TNNT3: variants seen among roughly 807,000 people sequenced by gnomAD.
The protein encoded by TNNT3 is troponin T3, fast skeletal type.
In TNNT3, 36 loss-of-function variants were observed where a neutral mutation model predicts 54.2. The ratio of observed to expected loss-of-function variants is 0.66; its 90% CI spans 0.51 to 0.88. TNNT3 has a LOEUF of 0.88. TNNT3 is among the 40% of genes least tolerant of loss of function. TNNT3 has a pLI of 0.00. For synonymous variants in TNNT3, 120 were observed against 109.7 expected (o/e 1.09, Z -0.59); for missense variants, 291 against 331.6 (o/e 0.88, Z 0.95).
At chr11:1,920,883 T>C (rs545024594) in intron 1 of TNNT3, among the ~76,000 whole-genome samples, 50 of 151,716 alleles carry the variant, frequency 3.3e-4, no homozygotes, top group African/African-American at 1.2e-3. Flanking sequence ...ACACAGGCCA[T>C]ACTGGGGGGA....
intron 14 of TNNT3, chr11:1,935,378 C>T (rs1211298135): frequency 1.0e-5 from 3 of 298,596 alleles, no homozygotes; most frequent in Non-Finnish European, 2.0e-5. Context: ...GGGCCCCGGA[C>T]ACCTGCTTCC....
At chr11:1,919,981 C>T (rs906961069) in intron 1 of TNNT3, among the ~76,000 whole-genome samples, 1 of 152,172 alleles carries the variant, frequency 6.6e-6, no homozygotes, top group African/African-American at 2.4e-5. Context: ...GTGTGATGGT[C>T]TCAGCACCGG....
chr11:1,923,163 C>A, intron 3 of TNNT3, 102 bp downstream of exon 3: 1 of 1,500,612 alleles, frequency 6.7e-7, no homozygotes, highest in Non-Finnish European at 9.3e-7. Flanking sequence ...CCTTGACAGC[C>A]CTACATCAGC....
At chr11:1,929,331 C>T (rs1203743520) in intron 7 of TNNT3, among the ~76,000 whole-genome samples, 188 bp downstream of exon 7, 1 of 152,226 alleles carries the variant, frequency 6.6e-6, no homozygotes, top group Non-Finnish European at 1.5e-5. Flanking sequence ...GGTCGAGCTG[C>T]CAGGGCCTCG....
chr11:1,936,227 G>A lies in TNNT3; in HGVS notation c.682-736G>A, dbSNP rs780375970. 5.0e-6 allele frequency: 8 copies of A among 1,613,778 alleles called. 1 individual carries two copies. The East Asian group carries it at 6.7e-5, about 13-fold the overall frequency. ...TGGTCTTTCTAGATCATGAATGTCCGGGCCAGAGTGCAGATGCTGGCCAAG... is the reference window on the plus strand; with the variant it reads ...TGGTCTTTCTAGATCATGAATGTCCAGGCCAGAGTGCAGATGCTGGCCAAG... On this transcript the variant is annotated intron_variant, in intron 14 of 15. Coordinates refer to ENST00000278317, the MANE Select transcript of TNNT3 (RefSeq NM_006757.4).
chr11:1,931,967 C>T (rs996058825), intron 8 of TNNT3, among the ~76,000 whole-genome samples: 3 of 152,176 alleles, frequency 2.0e-5, no homozygotes, highest in Admixed American at 1.3e-4. Context: ...GGAGAGGGGG[C>T]CTCATTTCCC....
intron 9 of TNNT3, 30 bp downstream of exon 9, chr11:1,932,544 C>T: frequency 6.2e-7 from 1 of 1,610,738 alleles, no homozygotes; most frequent in South Asian, 1.1e-5. Flanking sequence ...GTTAACATGT[C>T]CACGGTTTCC....
At chr11:1,923,353 C>G (rs899251037) in intron 3 of TNNT3, among the ~76,000 whole-genome samples, 4 of 152,148 alleles carry the variant, frequency 2.6e-5, no homozygotes, top group African/African-American at 9.6e-5. Flanking sequence ...ACCCCCGAGC[C>G]CCCCAAAAGC....
rs190776190 is a variant in TNNT3 at position 1,920,132 on chromosome 11, G to C, written c.-19+370G>C. On this transcript the variant is annotated intron_variant, in intron 1 of 15. Transcript: ENST00000278317. ...GCGGCAGGGAAGAGGCTGTGCAGGG[G>C]TGCTGCCAGGGCTTAGGTTGCCAGC... Among the ~76,000 whole-genome samples, 1,036 of 152,284 alleles carry C rather than the reference G, an allele frequency of 6.8e-3. 11 individuals carry two copies. The highest frequency in any genetic ancestry group is 9.0e-3 in the Non-Finnish European group (609 of 68,000).
At chr11:1,926,627 G>C (rs199707182) in intron 5 of TNNT3, 68 bp from the exon 6 acceptor site, 1 of 1,610,816 alleles carries the variant, frequency 6.2e-7, no homozygotes, top group African/African-American at 1.3e-5. Flanking sequence ...TCCTCTCTGC[G>C]CTGCCACCAC....
intron 5 of TNNT3, among the ~76,000 whole-genome samples, chr11:1,926,113 G>A (rs1024568308): frequency 3.9e-5 from 6 of 152,164 alleles, no homozygotes; most frequent in Admixed American, 6.5e-5. Flanking sequence ...CCAGAGGCGC[G>A]GACACCCTTC....
intron 1 of TNNT3, chr11:1,921,293 C>A (rs1056976961): frequency 2.6e-5 from 4 of 152,276 alleles, no homozygotes; most frequent in Admixed American, 6.5e-5. Context: ...CCGCCAGCGT[C>A]GGGCTGGGCA....
At position 1,922,902 on chromosome 11, in the gene TNNT3, A is replaced by T. The variant is rs372763002; in HGVS notation, c.17+11A>T. On this transcript the variant is annotated intron_variant, in intron 2 of 15. Coordinates refer to ENST00000278317, the MANE Select transcript of TNNT3 (RefSeq NM_006757.4). ...GTCTGACGAGGAAGTGTGAGTACCCAGCTGGTGGCTGCCCCCTGCCTGGCT... is the reference window on the plus strand; with the variant it reads ...GTCTGACGAGGAAGTGTGAGTACCCTGCTGGTGGCTGCCCCCTGCCTGGCT... 6 of 1,613,500 alleles carry T rather than the reference A, an allele frequency of 3.7e-6. No homozygotes were observed. In the African/African-American group the frequency reaches 4.0e-5, roughly 11 times the overall value.
chr11:1,933,883 C>A (rs781095423), intron 10 of TNNT3, 46 bp downstream of exon 10: 7 of 1,611,996 alleles, frequency 4.3e-6, no homozygotes, highest in Non-Finnish European at 5.9e-6. Context: ...TGGACTCCCT[C>A]GGAGGAGCCG....
In TNNT3 at chr11:1,934,842, G is replaced by C; in HGVS notation, c.604G>C (p.Glu202Gln). ...CCTCTGCCCCAGGGACAAGGCCAAG[G>C]AGCTCTGGGAGACCCTGCACCAGCT... The part of the protein sequence containing the change: ...GEDKLRDKAK[E>Q]LWETLHQLEI... Residue 202 changes from glutamate (E) to glutamine (Q), a missense_variant, in exon 14 of 16, where the codon GAG becomes CAG. Glu to Gln is a conservative substitution (Grantham distance 29, BLOSUM62 2). Coordinates refer to ENST00000278317, the MANE Select transcript of TNNT3 (RefSeq NM_006757.4). 6.2e-7 allele frequency: 1 copy of C among 1,613,558 alleles called. No individual in the cohort carries two copies. The highest frequency in any genetic ancestry group is 8.5e-7 in the Non-Finnish European group (1 of 1,180,036).
In TNNT3 at chr11:1,933,707, G is replaced by A; in HGVS notation, c.172-14G>A. On this transcript the variant is annotated splice_polypyrimidine_tract_variant and intron_variant, in intron 9 of 15. Transcript: ENST00000278317. ...GAGAGGGGTGGGGCTCACACCCACT[G>A]CCCCTGCCCACAGGACATCCAGAAG... The A allele has an allele frequency of 6.2e-7, 1 of 1,607,356 alleles. No homozygotes were observed. Among genetic ancestry groups the A allele is most frequent in the Non-Finnish European group, 8.5e-7 (1 of 1,174,886 alleles).
intron 14 of TNNT3, among the ~76,000 whole-genome samples, chr11:1,936,545 G>C (rs1478155642): frequency 6.6e-6 from 1 of 152,212 alleles, no homozygotes; most frequent in East Asian, 1.9e-4. Flanking sequence ...GGCTGGCCCA[G>C]GAGCAGCAGG....
At chr11:1,924,778 G>A (rs1234768037) in intron 4 of TNNT3, 9 of 560,608 alleles carry the variant, frequency 1.6e-5, no homozygotes, top group Non-Finnish European at 2.9e-5. Context: ...ACTTAACAAG[G>A]GCCCCCGTGC....
At chr11:1,936,184 C>T (rs1481851716) in intron 14 of TNNT3, 4 of 1,613,610 alleles carry the variant, frequency 2.5e-6, no homozygotes, top group Admixed American at 1.7e-5. Context: ...AGCCGCCCAT[C>T]CAGCCTTGTA....
Sources: allele counts gnomAD v4.1 joint callset (sites outside exome capture counted in the v4.1 genomes callset), GRCh38; gene constraint gnomAD v4.1.1; transcripts MANE v1.5; gene names NCBI Gene and HGNC (gene_info 2026-07-23, HGNC 2026-07-21).